MGAT4C: variants seen among roughly 807,000 people sequenced by gnomAD.
The protein encoded by MGAT4C is alpha-1,3-mannosyl-glycoprotein 4-beta-N-acetylglucosaminyltransferase C.
A neutral mutation model predicts 40.1 loss-of-function variants in MGAT4C; 19 were observed. The ratio of observed to expected loss-of-function variants is 0.47; its 90% confidence interval spans 0.33 to 0.70. The LOEUF (loss-of-function observed/expected upper bound fraction) is 0.70. MGAT4C is among the 30% of genes least tolerant of loss of function. The probability of loss-of-function intolerance (pLI) is 0.02; values close to 1 mark genes in which losing one functional copy is unlikely to be tolerated. For missense variants in MGAT4C, 491 were observed against 563.2 expected (o/e 0.87, Z 1.30); for synonymous variants, 181 against 187.1 (o/e 0.97, Z 0.27).
intron 1 of MGAT4C, among the ~76,000 whole-genome samples, chr12:86,733,484 G>A (rs11104058): frequency 0.044 from 6,668 of 152,142 alleles, 179 homozygotes; most frequent in Non-Finnish European, 0.048. Flanking sequence ...GCAAGCAGAT[G>A]TTGAAAGGGT....
chr12:86,112,546 C>T (rs543421202), intron 1 of MGAT4C, among the ~76,000 whole-genome samples: 3 of 151,660 alleles, frequency 2.0e-5, no homozygotes, highest in Admixed American at 6.6e-5. Context: ...ATTGTGCTCA[C>T]CACTGAGAAC....
intron 3 of MGAT4C, among the ~76,000 whole-genome samples, chr12:86,358,894 C>A (rs1471746926): frequency 6.6e-6 from 1 of 152,184 alleles, no homozygotes; most frequent in Non-Finnish European, 1.5e-5. Context: ...TTTAACACCC[C>A]ACTGTCAACA....
intron 2 of MGAT4C, among the ~76,000 whole-genome samples, chr12:86,464,910 A>C (rs1350830592): frequency 6.6e-6 from 1 of 152,080 alleles, no homozygotes. Flanking sequence ...TATTTATATG[A>C]TATACTATAA....
chr12:86,488,629 T>C (rs1208223466), intron 2 of MGAT4C, among the ~76,000 whole-genome samples: 1 of 152,086 alleles, frequency 6.6e-6, no homozygotes, highest in Non-Finnish European at 1.5e-5. Flanking sequence ...CTCTGATTTT[T>C]CTCCCAATAA....
At chr12:86,357,046 A>T (rs1007396618) in intron 3 of MGAT4C, among the ~76,000 whole-genome samples, 1 of 152,196 alleles carries the variant, frequency 6.6e-6, no homozygotes, top group Admixed American at 6.5e-5. Context: ...CTGACCCCCA[A>T]GTAGCCTAAC....
chr12:86,643,000 A>T (rs1457910795), intron 2 of MGAT4C, among the ~76,000 whole-genome samples: 1 of 151,826 alleles, frequency 6.6e-6, no homozygotes, highest in Non-Finnish European at 1.5e-5. Context: ...CATAGTACCT[A>T]GCAATTCCAC....
intron 2 of MGAT4C, among the ~76,000 whole-genome samples, chr12:86,577,005 T>C (rs890312672): frequency 6.6e-6 from 1 of 151,808 alleles, no homozygotes; most frequent in Non-Finnish European, 1.5e-5. Context: ...ATCAGTGTTT[T>C]ATGGTTTTCA....
intron 1 of MGAT4C, among the ~76,000 whole-genome samples, chr12:86,200,097 T>A (rs947064034): frequency 2.7e-5 from 4 of 149,138 alleles, no homozygotes; most frequent in African/African-American, 7.4e-5. Flanking sequence ...TTCTGTAACT[T>A]CATCACAATG....
intron 1 of MGAT4C, among the ~76,000 whole-genome samples, chr12:86,221,706 A>AT: frequency 6.6e-6 from 1 of 152,184 alleles, no homozygotes; most frequent in Non-Finnish European, 1.5e-5. Context: ...CCATGTCCAT[A>AT]TAAAACAAAT....
intron 1 of MGAT4C, among the ~76,000 whole-genome samples, chr12:86,728,520 G>A (rs1468117023): frequency 2.6e-5 from 4 of 152,104 alleles, no homozygotes; most frequent in Non-Finnish European, 4.4e-5. Context: ...GTGAAACCTC[G>A]TCTCTACTGA....
chr12:86,249,817 T>A (rs1952192076), intron 1 of MGAT4C, among the ~76,000 whole-genome samples: 1 of 152,152 alleles, frequency 6.6e-6, no homozygotes, highest in African/African-American at 2.4e-5. Flanking sequence ...AGTCTCTAAT[T>A]TTCCAAAACT....
chr12:86,022,694 G>C (rs906872326), intron 2 of MGAT4C: 12 of 152,550 alleles, frequency 7.9e-5, no homozygotes, highest in Admixed American at 5.2e-4. Flanking sequence ...GAGTGACAGA[G>C]TGAGACCCTG....
chr12:86,780,728 T>C (rs1349832936), intron 1 of MGAT4C, among the ~76,000 whole-genome samples: 1 of 152,180 alleles, frequency 6.6e-6, no homozygotes, highest in South Asian at 2.1e-4. Context: ...AAAGAACTAA[T>C]ACATGGGCTT....
At chr12:86,811,197 T>C (rs1045942786) in intron 1 of MGAT4C, among the ~76,000 whole-genome samples, 1 of 151,430 alleles carries the variant, frequency 6.6e-6, no homozygotes, top group Non-Finnish European at 1.5e-5. Context: ...TGGTGATTTC[T>C]TTTCTGGGAG....
At chr12:86,798,934 C>G (rs1220087498) in intron 1 of MGAT4C, among the ~76,000 whole-genome samples, 3 of 151,742 alleles carry the variant, frequency 2.0e-5, no homozygotes, top group Non-Finnish European at 4.4e-5. Flanking sequence ...AAGTTTCATT[C>G]AAGAGCAAAA....
chr12:86,262,185 T>C lies in MGAT4C; in HGVS notation c.-57+71880A>G, dbSNP rs183745912. On this transcript the variant is annotated intron_variant, in intron 4 of 7. Coordinates refer to the MGAT4C transcript ENST00000548651. ...AATGACAAGTTTCAGTCCCATTTCT[T>C]CCATAATTTATTTTGTTACAGAGCA... Among the ~76,000 whole-genome samples, 291 of 152,194 alleles carry C rather than the reference T, an allele frequency of 1.9e-3. 3 individuals are homozygous for C. Among genetic ancestry groups the C allele is most frequent in the Admixed American group, 0.018 (280 of 15,290 alleles).
chr12:86,391,651 G>T (rs2136228682), intron 3 of MGAT4C, among the ~76,000 whole-genome samples: 1 of 152,222 alleles, frequency 6.6e-6, no homozygotes, highest in South Asian at 2.1e-4. Flanking sequence ...CAGGTCAGGA[G>T]ATCGAGACCA....
intron 1 of MGAT4C, among the ~76,000 whole-genome samples, chr12:86,801,185 A>C (rs1952218741): frequency 6.6e-6 from 1 of 151,930 alleles, no homozygotes. Flanking sequence ...GGTCTAGAAA[A>C]GGCAATGGAA....
At chr12:86,448,043 T>C (rs1290622000) in intron 2 of MGAT4C, among the ~76,000 whole-genome samples, 1 of 152,130 alleles carries the variant, frequency 6.6e-6, no homozygotes, top group East Asian at 1.9e-4. Context: ...TGCATACAGG[T>C]CAGGCCAGAA....
Sources: gnomAD v4.1 joint callset for allele counts (sites outside exome capture counted in the v4.1 genomes callset) on GRCh38, gnomAD v4.1.1 for gene constraint, MANE v1.5 for transcripts, NCBI Gene and HGNC (gene_info 2026-07-23, HGNC 2026-07-21) for gene names.